The following DPEP1 variants were observed in gnomAD, a reference collection of about 807,000 sequenced individuals.
DPEP1 encodes dipeptidase 1.
DPEP1 carries 50 observed loss-of-function variants against 42.3 expected under a neutral mutation model. The ratio of observed to expected loss-of-function variants is 1.18; its 90% CI spans 0.94 to 1.50. The LOEUF (loss-of-function observed/expected upper bound fraction) is 1.50, where lower values mean the gene tolerates loss of function less well. DPEP1 is among the 40% of genes most tolerant of loss of function. The pLI is 0.00. For missense variants in DPEP1, 663 were observed against 553.0 expected (o/e 1.20, Z -1.99); for synonymous variants, 297 against 234.0 (o/e 1.27, Z -2.46).
chr16:89,627,268 G>A (rs1455222204), intron 1 of DPEP1, among the ~76,000 whole-genome samples: 5 of 83,536 alleles, frequency 6.0e-5, no homozygotes, highest in African/African-American at 1.4e-4. Context: ...GTGAGACTCC[G>A]TCTCAAAAAA....
intron 1 of DPEP1, among the ~76,000 whole-genome samples, chr16:89,614,562 A>C (rs2059362878): frequency 6.6e-6 from 1 of 152,162 alleles, no homozygotes; most frequent in African/African-American, 2.4e-5. Context: ...TGGGAGGCCG[A>C]GGTGGGCAGA....
At chr16:89,615,462 T>A (rs2059371983) in intron 1 of DPEP1, among the ~76,000 whole-genome samples, 1 of 152,166 alleles carries the variant, frequency 6.6e-6, no homozygotes, top group African/African-American at 2.4e-5. Context: ...TGGACCTGTC[T>A]TCTCTACCTC....
chr16:89,630,298 C>A lies in DPEP1; in HGVS notation c.-106-7C>A. The A allele has an allele frequency of 1.3e-6, 1 of 774,718 alleles. No individual in the cohort carries two copies. Among genetic ancestry groups the A allele is most frequent in the Non-Finnish European group, 2.1e-6 (1 of 468,146 alleles). The allele number at this position is 774,718 out of a possible 1,614,324, so 48.0% of individuals were successfully genotyped here. A position where few individuals can be genotyped will look rare whatever the true frequency, so the allele number is the denominator to read the frequency against. On this transcript the variant is annotated splice_region_variant and splice_polypyrimidine_tract_variant and intron_variant, in intron 1 of 10. Transcript: ENST00000690203. ...TCCACCCACACCTCTGGTGCCTCTC[C>A]TGGCAGGCAGAGTGGCTCCTCACAG...
chr16:89,613,537 C>G (rs1287455251), upstream of DPEP1: 2 of 152,422 alleles, frequency 1.3e-5, no homozygotes, highest in African/African-American at 4.8e-5. Context: ...CTCCATTTCC[C>G]TCCTCTTTCT....
intron 2 of DPEP1, among the ~76,000 whole-genome samples, chr16:89,631,458 G>A (rs912778118): frequency 3.3e-5 from 5 of 152,210 alleles, no homozygotes; most frequent in African/African-American, 1.2e-4. Flanking sequence ...CTGAGAGTCC[G>A]CCCTGTGTCT....
chr16:89,639,416 C>T (rs1211177294), downstream of DPEP1, among the ~76,000 whole-genome samples: 1 of 54,484 alleles, frequency 1.8e-5, no homozygotes, highest in Non-Finnish European at 3.8e-5. Context: ...ACCCCCACCC[C>T]TACACACCAC....
Position 89,637,964 on chromosome 16 carries a change from TG to T in DPEP1, c.1060del (p.Glu354AsnfsTer123). On this transcript the variant is annotated frameshift_variant, in exon 10 of 11. Transcript: ENST00000690203. LOFTEE classifies it low-confidence loss of function (END_TRUNC). ...ADNLLRVFEA[V>X]EQASNLTQAP... Reference sequence around the variant, plus strand: ...AACCTGCTGAGGGTCTTCGAGGCTGTGGAACAGGTGAGGATGGGGTGGCCAC... The same window carrying T: ...AACCTGCTGAGGGTCTTCGAGGCTGTGAACAGGTGAGGATGGGGTGGCCAC... 2 of 1,608,228 alleles carry T rather than the reference TG, an allele frequency of 1.2e-6. No individual in the cohort carries two copies. The highest frequency in any genetic ancestry group is 1.7e-6 in the Non-Finnish European group (2 of 1,177,948).
chr16:89,636,082 T>C, intron 3 of DPEP1, 42 bp downstream of exon 3: 1 of 1,577,996 alleles, frequency 6.3e-7, no homozygotes, highest in Non-Finnish European at 8.6e-7. Flanking sequence ...TGTGGGGTCA[T>C]CCCGTCTCCT....
intron 1 of DPEP1, 163 bp from the exon 2 acceptor site, chr16:89,630,142 G>T: frequency 6.7e-6 from 2 of 297,722 alleles, no homozygotes; most frequent in Non-Finnish European, 1.3e-5. Context: ...CTATGCCTCC[G>T]CCTAGCCCAG....
chr16:89,617,030 G>A (rs34817489), intron 1 of DPEP1: 12,887 of 203,128 alleles, frequency 0.063, 713 homozygotes, highest in Middle Eastern at 0.093. Context: ...AGCAGAAGGG[G>A]AAGGGAGGGG....
chr16:89,633,797 G>GGAGCTGTCCTCAAGGAAAGCACAA (rs1212413818), intron 2 of DPEP1, among the ~76,000 whole-genome samples: 1 of 151,732 alleles, frequency 6.6e-6, no homozygotes. Context: ...GAGGCACAGG[G>GGAGCTGTCCTCAAGGAAAGCACAA]ATGGGTCTGG....
At chr16:89,641,228 G>GT (rs950615798), downstream of DPEP1, among the ~76,000 whole-genome samples, 8 of 152,056 alleles carry the variant, frequency 5.3e-5, no homozygotes, top group Non-Finnish European at 7.4e-5. Flanking sequence ...TGCGGGGGGG[G>GT]GTTGACTGAT....
At chr16:89,633,258 G>C (rs989303021) in intron 2 of DPEP1, among the ~76,000 whole-genome samples, 1 of 152,226 alleles carries the variant, frequency 6.6e-6, no homozygotes, top group Non-Finnish European at 1.5e-5. Flanking sequence ...GGAGAGGCCC[G>C]TGCCAGCCCA....
intron 1 of DPEP1, among the ~76,000 whole-genome samples, chr16:89,629,052 C>T (rs1009146941): frequency 6.6e-6 from 1 of 152,148 alleles, no homozygotes; most frequent in Non-Finnish European, 1.5e-5. Flanking sequence ...GTCTTGAACT[C>T]CTGACCTCAA....
intron 1 of DPEP1, among the ~76,000 whole-genome samples, chr16:89,621,756 G>A (rs1169090370): frequency 6.6e-6 from 1 of 152,218 alleles, no homozygotes; most frequent in African/African-American, 2.4e-5. Context: ...ATCTGAGTGT[G>A]CGTTTACTCA....
chr16:89,636,480 T>TCACCCTCCAGATACCAGGTGCC, intron 4 of DPEP1, 53 bp from the exon 5 acceptor site: 1 of 1,599,282 alleles, frequency 6.3e-7, no homozygotes, highest in African/African-American at 1.3e-5. Flanking sequence ...TCAGGACACC[T>TCACCCTCCAGATACCAGGTGCC]CACCCTCCAG....
intron 1 of DPEP1, among the ~76,000 whole-genome samples, chr16:89,617,749 C>CGT: frequency 6.9e-6 from 1 of 145,890 alleles, no homozygotes; most frequent in South Asian, 2.2e-4. Flanking sequence ...GGAGGCCGGG[C>CGT]GCAGTGGCTC....
intron 1 of DPEP1, chr16:89,616,736 T>G (rs972801697): frequency 7.7e-6 from 2 of 261,244 alleles, no homozygotes; most frequent in Non-Finnish European, 7.7e-6. Flanking sequence ...TGGCAGGAAG[T>G]GGCTGGGAAG....
downstream of DPEP1, chr16:89,638,536 T>C: frequency 8.7e-7 from 1 of 1,151,490 alleles, no homozygotes; most frequent in Non-Finnish European, 1.1e-6. Context: ...GGATCGAGTC[T>C]TCGGTCCAGG....
Sources: allele counts gnomAD v4.1 joint callset (sites outside exome capture counted in the v4.1 genomes callset), GRCh38; gene constraint gnomAD v4.1.1; transcripts MANE v1.5; gene names NCBI Gene and HGNC (gene_info 2026-07-23, HGNC 2026-07-21).